FRAS1: variants seen among roughly 807,000 people sequenced by gnomAD.
FRAS1 encodes extracellular matrix organizing protein FRAS1.
A neutral mutation model predicts 435.2 loss-of-function variants in FRAS1; 290 were observed. The ratio of observed to expected loss-of-function variants is 0.67; its 90% CI spans 0.61 to 0.73. FRAS1 has a LOEUF of 0.73. Among genes scored for constraint, FRAS1 ranks in the 30% least tolerant of loss-of-function variants. The pLI, the probability that FRAS1 is intolerant of heterozygous loss-of-function variation, is 0.00. For synonymous variants in FRAS1, 1,800 were observed against 1,851.0 expected (o/e 0.97, Z 0.71); for missense variants, 4,860 against 5,001.5 (o/e 0.97, Z 0.85).
intron 15 of FRAS1, among the ~76,000 whole-genome samples, chr4:78,310,406 GA>G (rs1282626076): frequency 2.6e-5 from 4 of 152,204 alleles, no homozygotes; most frequent in Non-Finnish European, 5.9e-5. Flanking sequence ...TATTTAAAAA[GA>G]GGAATAGTTA....
chr4:78,452,009 C>A, intron 46 of FRAS1, 118 bp downstream of exon 46: 1 of 1,286,576 alleles, frequency 7.8e-7, no homozygotes, highest in Non-Finnish European at 1.1e-6. Flanking sequence ...GGTGTGGAAA[C>A]TGAAAATCAT....
At chr4:78,470,946 G>A (rs1422586063) in intron 51 of FRAS1, among the ~76,000 whole-genome samples, 1 of 152,138 alleles carries the variant, frequency 6.6e-6, no homozygotes, top group Non-Finnish European at 1.5e-5. Flanking sequence ...ATGTTGCATG[G>A]GAGGCTGGGA....
chr4:78,407,958 G>C (rs553979029), intron 31 of FRAS1, 117 bp downstream of exon 31: 1 of 866,444 alleles, frequency 1.2e-6, no homozygotes. Context: ...TTTGGGGGAC[G>C]TGTTAGTTCA....
chr4:78,274,047 G>C (rs557574543), intron 9 of FRAS1, among the ~76,000 whole-genome samples: 1 of 152,172 alleles, frequency 6.6e-6, no homozygotes, highest in Non-Finnish European at 1.5e-5. Context: ...TCTTGGGAGG[G>C]TGTATGTGTC....
intron 2 of FRAS1, among the ~76,000 whole-genome samples, chr4:78,196,604 CTT>C (rs10715001): frequency 4.4e-4 from 66 of 150,738 alleles, no homozygotes; most frequent in African/African-American, 1.4e-3. Context: ...ATTTAGATAA[CTT>C]TTTTTTTTTC....
At chr4:78,208,419 C>T (rs1723355159) in intron 2 of FRAS1, among the ~76,000 whole-genome samples, 1 of 152,074 alleles carries the variant, frequency 6.6e-6, no homozygotes, top group Non-Finnish European at 1.5e-5. Context: ...ACTAGCTCAC[C>T]AGCAATGGAT....
chr4:78,465,701 G>A (rs897941541), intron 49 of FRAS1, among the ~76,000 whole-genome samples: 4 of 75,778 alleles, frequency 5.3e-5, no homozygotes, highest in African/African-American at 1.2e-4. Flanking sequence ...GGGCCATGCT[G>A]GCCCTGGTTA....
At chr4:78,128,000 G>A (rs945990154) in intron 2 of FRAS1, among the ~76,000 whole-genome samples, 1 of 150,248 alleles carries the variant, frequency 6.7e-6, no homozygotes, top group African/African-American at 2.5e-5. Context: ...AGAACATGAG[G>A]TGTTTGGTTT....
chr4:78,414,723 T>C (rs545740946), intron 32 of FRAS1, among the ~76,000 whole-genome samples: 18 of 152,350 alleles, frequency 1.2e-4, no homozygotes, highest in African/African-American at 4.3e-4. Context: ...TACTTCTCCA[T>C]TCATTCAGTC....
At chr4:78,380,293 G>A (rs1048616722) in intron 27 of FRAS1, among the ~76,000 whole-genome samples, 3 of 152,172 alleles carry the variant, frequency 2.0e-5, no homozygotes, top group Non-Finnish European at 4.4e-5. Flanking sequence ...AACAAAACTG[G>A]TCATATAACT....
At chr4:78,460,265 C>T (rs550888964) in intron 47 of FRAS1, among the ~76,000 whole-genome samples, 2 of 152,158 alleles carry the variant, frequency 1.3e-5, no homozygotes, top group Non-Finnish European at 2.9e-5. Context: ...CTTTCTTTAG[C>T]GTGCTGGCCC....
chr4:78,431,423 G>A (rs543933232), intron 37 of FRAS1, among the ~76,000 whole-genome samples: 32 of 152,270 alleles, frequency 2.1e-4, no homozygotes, highest in African/African-American at 6.3e-4. Context: ...GTTTTATTAC[G>A]TTTTCATAGG....
chr4:78,084,686 C>T (rs902919687), intron 2 of FRAS1, among the ~76,000 whole-genome samples: 1 of 152,034 alleles, frequency 6.6e-6, no homozygotes, highest in African/African-American at 2.4e-5. Context: ...GTTCCGTCCT[C>T]TTCATACATT....
intron 47 of FRAS1, among the ~76,000 whole-genome samples, chr4:78,457,484 T>G (rs1343113741): frequency 6.6e-6 from 1 of 152,194 alleles, no homozygotes; most frequent in East Asian, 1.9e-4. Flanking sequence ...TCCCCACCCT[T>G]CTGGGAATGT....
intron 29 of FRAS1, among the ~76,000 whole-genome samples, chr4:78,391,511 T>G (rs1276679013): frequency 6.6e-6 from 1 of 152,198 alleles, no homozygotes; most frequent in Non-Finnish European, 1.5e-5. Context: ...GGGAAAATCA[T>G]ACTTACTGGT....
chr4:78,225,668 A>G (rs1724239755), intron 2 of FRAS1, among the ~76,000 whole-genome samples: 1 of 152,206 alleles, frequency 6.6e-6, no homozygotes, highest in Non-Finnish European at 1.5e-5. Context: ...ATTGCTTACC[A>G]TGTGATAGAT....
In FRAS1 at chr4:78,496,920, A is replaced by G; in HGVS notation, c.9074A>G (p.Lys3025Arg). The G allele has an allele frequency of 6.2e-7, 1 of 1,613,782 alleles. No individual in the cohort carries two copies. The highest frequency in any genetic ancestry group is 1.1e-5 in the South Asian group (1 of 91,072). The change falls in exon 60 of 74, where the codon AAG becomes AGG. Residue 3025 changes from lysine to arginine, a missense_variant. Transcript: ENST00000512123. ...GNHWSGARIG[K>R]NNMATITISN... ...CACTGGAGTGGAGCTAGAATTGGAA[A>G]GAATAACATGGCCACCATCACCATA...
In FRAS1 at chr4:78,449,716, C is replaced by G. The variant is rs535920032; in HGVS notation, c.6275-435C>G. On this transcript the variant is annotated intron_variant, in intron 44 of 73. Transcript: ENST00000512123. ...TTCACTACTTTGTCTGACATGGCAACAAGATATGTTTGAGTTTATGTAAAG... is the reference window on the plus strand; with the variant it reads ...TTCACTACTTTGTCTGACATGGCAAGAAGATATGTTTGAGTTTATGTAAAG... 3.3e-5 allele frequency among the ~76,000 whole-genome samples: 5 copies of G among 152,242 alleles called. No homozygotes were observed. In the South Asian group the frequency reaches 8.3e-4, roughly 25 times the overall value.
chr4:78,362,489 G>T (rs345545), intron 20 of FRAS1, among the ~76,000 whole-genome samples: 94,639 of 152,070 alleles, frequency 0.62, 30,066 homozygotes, highest in Non-Finnish European at 0.67. Flanking sequence ...ATTGACACAA[G>T]AGCAAGCTCC....
Sources: allele counts gnomAD v4.1 joint callset (sites outside exome capture counted in the v4.1 genomes callset), GRCh38; gene constraint gnomAD v4.1.1; transcripts MANE v1.5; gene names NCBI Gene and HGNC (gene_info 2026-07-23, HGNC 2026-07-21).